The following NTNG1 variants were observed in gnomAD, a reference collection of about 807,000 sequenced individuals.
NTNG1 encodes the protein netrin G1, also known as netrin-G1.
Under a neutral mutation model 54.0 loss-of-function variants are expected in NTNG1, and 16 were observed. The ratio of observed to expected loss-of-function variants is 0.30; its 90% confidence interval spans 0.20 to 0.45. The LOEUF (loss-of-function observed/expected upper bound fraction) is 0.45. Among genes scored for constraint, NTNG1 ranks in the 20% least tolerant of loss-of-function variants. The pLI is 1.00. For missense variants in NTNG1, 530 were observed against 678.7 expected, an observed-to-expected ratio of 0.78 and a Z score of 2.43; for synonymous variants, 255 against 263.1, an observed-to-expected ratio of 0.97 and a Z score of 0.30.
At chr1:107,142,257 A>G (rs929984968) in intron 1 of NTNG1, among the ~76,000 whole-genome samples, 1 of 152,138 alleles carries the variant, frequency 6.6e-6, no homozygotes, top group African/African-American at 2.4e-5. Context: ...ACTTAGATAT[A>G]AAAAGAAACT....
chr1:107,431,330 A>C (rs1171872996), intron 6 of NTNG1, among the ~76,000 whole-genome samples: 1 of 152,150 alleles, frequency 6.6e-6, no homozygotes, highest in African/African-American at 2.4e-5. Context: ...TAGGGTACAG[A>C]TTCTTGCATA....
intron 2 of NTNG1, among the ~76,000 whole-genome samples, chr1:107,281,162 C>T (rs1350810970): frequency 6.6e-6 from 1 of 151,928 alleles, no homozygotes; most frequent in Non-Finnish European, 1.5e-5. Context: ...TGTTTTCTCC[C>T]ATAAATGTGT....
intron 7 of NTNG1, among the ~76,000 whole-genome samples, chr1:107,468,407 A>G (rs1677741670): frequency 6.6e-6 from 1 of 152,190 alleles, no homozygotes; most frequent in South Asian, 2.1e-4. Context: ...TCGGCTGCAG[A>G]TACTTGCATT....
chr1:107,200,061 G>T (rs1017007595), intron 2 of NTNG1, among the ~76,000 whole-genome samples: 14 of 151,754 alleles, frequency 9.2e-5, no homozygotes, highest in African/African-American at 3.4e-4. Context: ...ACTATGATTT[G>T]TTCCTTCTTT....
chr1:107,211,927 A>G (rs956679079), intron 2 of NTNG1, among the ~76,000 whole-genome samples: 2 of 152,204 alleles, frequency 1.3e-5, no homozygotes, highest in African/African-American at 4.8e-5. Context: ...ATGGGGAGAA[A>G]TGTATTTGGA....
intron 2 of NTNG1, among the ~76,000 whole-genome samples, chr1:107,183,125 C>T (rs953880015): frequency 1.3e-5 from 2 of 152,134 alleles, no homozygotes; most frequent in African/African-American, 2.4e-5. Context: ...TAATTCCGTG[C>T]TGGAAGAGGT....
chr1:107,360,174 G>A (rs1287869659), intron 3 of NTNG1, among the ~76,000 whole-genome samples: 1 of 152,108 alleles, frequency 6.6e-6, no homozygotes, highest in Non-Finnish European at 1.5e-5. Flanking sequence ...AATGTTTAGT[G>A]GGCATTATAT....
intron 2 of NTNG1, among the ~76,000 whole-genome samples, chr1:107,259,082 G>C (rs1663125522): frequency 6.6e-6 from 1 of 152,162 alleles, no homozygotes; most frequent in Non-Finnish European, 1.5e-5. Flanking sequence ...TAAATTATTA[G>C]AAAATGCTGG....
intron 5 of NTNG1, among the ~76,000 whole-genome samples, chr1:107,430,447 A>G (rs1484943695): frequency 6.6e-6 from 1 of 152,172 alleles, no homozygotes; most frequent in Non-Finnish European, 1.5e-5. Context: ...TTTCATCACT[A>G]GAAACTGAGG....
At chr1:107,434,058 G>A (rs1200503804) in intron 6 of NTNG1, among the ~76,000 whole-genome samples, 1 of 152,232 alleles carries the variant, frequency 6.6e-6, no homozygotes, top group Non-Finnish European at 1.5e-5. Flanking sequence ...CACTTTCACA[G>A]AATAAGGCAC....
intron 2 of NTNG1, among the ~76,000 whole-genome samples, chr1:107,281,814 A>G (rs1250198038): frequency 6.6e-6 from 1 of 152,206 alleles, no homozygotes; most frequent in Non-Finnish European, 1.5e-5. Context: ...GTTACTAAGC[A>G]TACTTTGCAG....
intron 2 of NTNG1, among the ~76,000 whole-genome samples, chr1:107,155,647 C>A (rs1357577609): frequency 2.0e-5 from 3 of 152,116 alleles, no homozygotes; most frequent in Admixed American, 1.3e-4. Context: ...TGTGAGAGAG[C>A]CACCACACTT....
At chr1:107,385,090 A>T (rs1390058233) in intron 3 of NTNG1, among the ~76,000 whole-genome samples, 1 of 152,132 alleles carries the variant, frequency 6.6e-6, no homozygotes, top group African/African-American at 2.4e-5. Context: ...ATTGTACTTA[A>T]TTATACAAGT....
chr1:107,214,269 C>T (rs1368920172), intron 2 of NTNG1, among the ~76,000 whole-genome samples: 1 of 152,146 alleles, frequency 6.6e-6, no homozygotes, highest in Non-Finnish European at 1.5e-5. Flanking sequence ...TCCCTCACCC[C>T]TTCCCATACT....
At chr1:107,245,362 A>C (rs547613048) in intron 2 of NTNG1, among the ~76,000 whole-genome samples, 3 of 152,334 alleles carry the variant, frequency 2.0e-5, no homozygotes, top group Non-Finnish European at 1.5e-5. Context: ...TATTTTTCTC[A>C]TTCTGGTAAA....
At chr1:107,208,985 T>C (rs1557811217) in intron 2 of NTNG1, among the ~76,000 whole-genome samples, 1 of 152,156 alleles carries the variant, frequency 6.6e-6, no homozygotes, top group Non-Finnish European at 1.5e-5. Context: ...TAGTTATCCA[T>C]TATCCAAACA....
intron 5 of NTNG1, among the ~76,000 whole-genome samples, chr1:107,429,025 C>T (rs956671258): frequency 1.3e-5 from 2 of 152,210 alleles, no homozygotes; most frequent in East Asian, 1.9e-4. Flanking sequence ...CCTCCATACT[C>T]GCCTCCCCTC....
At chr1:107,461,859 C>A (rs614509) in intron 7 of NTNG1, among the ~76,000 whole-genome samples, 146,341 of 152,266 alleles carry the variant, frequency 0.96, 70,578 homozygotes, top group East Asian at 1. Flanking sequence ...TTCCAAGTTC[C>A]CTGGGCCTTG....
intron 4 of NTNG1, among the ~76,000 whole-genome samples, chr1:107,406,870 T>C (rs1423879959): frequency 6.6e-6 from 1 of 151,692 alleles, no homozygotes; most frequent in African/African-American, 2.4e-5. Context: ...GGAGTTGGAG[T>C]CAAGCATCAG....
Sources: gnomAD v4.1 joint callset for allele counts (sites outside exome capture counted in the v4.1 genomes callset) on GRCh38, gnomAD v4.1.1 for gene constraint, MANE v1.5 for transcripts, NCBI Gene and HGNC (gene_info 2026-07-23, HGNC 2026-07-21) for gene names.